PTGER3: variants seen among roughly 807,000 people sequenced by gnomAD.
PTGER3 encodes the protein prostaglandin E2 receptor EP3 subtype.
A neutral mutation model predicts 34.7 loss-of-function variants in PTGER3; 22 were observed. The ratio of observed to expected loss-of-function variants is 0.63; its 90% CI spans 0.45 to 0.91. The LOEUF (loss-of-function observed/expected upper bound fraction) is 0.91, where lower values mean the gene tolerates loss of function less well. Among genes scored for constraint, PTGER3 ranks in the 40% least tolerant of loss-of-function variants. The pLI, the probability that PTGER3 is intolerant of heterozygous loss-of-function variation, is 0.00. For missense variants in PTGER3, 468 were observed against 519.4 expected (o/e 0.90, Z 0.96); for synonymous variants, 241 against 230.1 (o/e 1.05, Z -0.43).
At chr1:70,961,021 G>T (rs1215599912) in intron 2 of PTGER3, among the ~76,000 whole-genome samples, 5 of 152,162 alleles carry the variant, frequency 3.3e-5, no homozygotes, top group Admixed American at 3.3e-4. Context: ...CTGGAGTGGG[G>T]TCCCAATAAC....
At chr1:70,988,131 T>C (rs976859584) in intron 2 of PTGER3, among the ~76,000 whole-genome samples, 3 of 152,202 alleles carry the variant, frequency 2.0e-5, no homozygotes, top group Non-Finnish European at 4.4e-5. Flanking sequence ...AAAACTCAGT[T>C]GTTTAATTTT....
chr1:71,006,678 C>A (rs78917778), intron 2 of PTGER3: 1 of 984,074 alleles, frequency 1.0e-6, no homozygotes, highest in Admixed American at 6.1e-5. Context: ...ATTTGTTATG[C>A]ACATGATTAT....
intron 2 of PTGER3, among the ~76,000 whole-genome samples, chr1:70,984,536 A>G (rs948340934): frequency 1.3e-5 from 2 of 152,128 alleles, no homozygotes; most frequent in Non-Finnish European, 2.9e-5. Context: ...GCAACACAGC[A>G]AGATCTGTCC....
At chr1:70,969,306 A>G (rs1438638392), downstream of PTGER3, among the ~76,000 whole-genome samples, 1 of 152,226 alleles carries the variant, frequency 6.6e-6, no homozygotes, top group Non-Finnish European at 1.5e-5. Flanking sequence ...AATGACAACA[A>G]CCACTAACAT....
chr1:70,856,696 T>C (rs1645814280), intron 4 of PTGER3, among the ~76,000 whole-genome samples: 1 of 152,232 alleles, frequency 6.6e-6, no homozygotes, highest in Non-Finnish European at 1.5e-5. Flanking sequence ...TTTTACTTTT[T>C]ATTTTGAAAT....
intron 4 of PTGER3, among the ~76,000 whole-genome samples, chr1:70,940,283 G>C (rs889281231): frequency 6.6e-6 from 1 of 152,052 alleles, no homozygotes; most frequent in African/African-American, 2.4e-5. Flanking sequence ...TCAGCATTTG[G>C]GGCAAAGCCA....
chr1:71,033,947 A>G (rs1039661023), intron 1 of PTGER3, among the ~76,000 whole-genome samples: 2 of 152,172 alleles, frequency 1.3e-5, no homozygotes, highest in Admixed American at 6.5e-5. Context: ...ATGCTGCATT[A>G]GTAATACTAC....
rs1393398606 is a variant in PTGER3, at chr1:70,981,328, TTTCTTTC to T, written c.1078-6947_1078-6941del. 5.8e-5 allele frequency among the ~76,000 whole-genome samples: 3 copies of T among 51,462 alleles called. No homozygotes were observed. In the East Asian group the frequency reaches 2.0e-3, roughly 35 times the overall value. 33.8% of individuals were successfully genotyped at this position (51,462 alleles called of 152,430 possible). A position where few individuals can be genotyped will look rare whatever the true frequency, so the allele number is the denominator to read the frequency against. On this transcript the variant is annotated intron_variant, in intron 2 of 3. Transcript: ENST00000306666. ...CCTTCCTTCCTTCCTTTCTTCTTTC[TTTCTTTC>T]TTTCTTTCTTTCTTTCTTTCTTTCT...
chr1:70,855,717 T>C (rs1391690705), intron 4 of PTGER3, among the ~76,000 whole-genome samples: 4 of 152,160 alleles, frequency 2.6e-5, no homozygotes, highest in Non-Finnish European at 2.9e-5. Flanking sequence ...TTCTGTGTGT[T>C]TGGAATATCT....
Position 71,046,916 on chromosome 1 carries a change from G to A in PTGER3, c.662C>T (p.Ser221Phe), listed in dbSNP as rs1188935823. 1 of 1,610,616 alleles carries A rather than the reference G, an allele frequency of 6.2e-7. No individual in the cohort carries two copies. The highest frequency in any genetic ancestry group is 8.5e-7 in the Non-Finnish European group (1 of 1,178,362). ...STGRGGNGTSSSHNWGNLFFA... is the reference protein window; with the variant it reads ...STGRGGNGTSFSHNWGNLFFA... ...GAAAAGGTTGCCCCAGTTATGCGAA[G>A]AGCTAGTCCCGTTGCCCCCTCGCCC... The change falls in exon 1 of 4, where the codon TCT becomes TTT. Residue 221 changes from serine (S) to phenylalanine (F), a missense_variant. This residue lies in a region of PTGER3 where 204 missense variants were observed against 230.8 expected (regional missense o/e 0.88). Transcript: ENST00000306666.
chr1:70,882,058 C>T (rs755681539), intron 4 of PTGER3, among the ~76,000 whole-genome samples: 7 of 152,184 alleles, frequency 4.6e-5, no homozygotes, highest in Non-Finnish European at 1.0e-4. Context: ...GCAAGCATTA[C>T]CCACTTGGCT....
chr1:70,974,206 G>A, intron 3 of PTGER3, 91 bp downstream of exon 3: 1 of 1,511,072 alleles, frequency 6.6e-7, no homozygotes, highest in Non-Finnish European at 8.9e-7. Context: ...TTAATTCTCA[G>A]AGATGGTCTG....
At chr1:71,010,783 A>T (rs1657369591) in intron 2 of PTGER3, 12 of 985,144 alleles carry the variant, frequency 1.2e-5, no homozygotes, top group African/African-American at 1.7e-5. Context: ...CTCCAAATTC[A>T]ATTTGACATG....
At chr1:70,912,426 A>G (rs1391732013) in intron 4 of PTGER3, among the ~76,000 whole-genome samples, 1 of 152,112 alleles carries the variant, frequency 6.6e-6, no homozygotes, top group East Asian at 1.9e-4. Context: ...TGGGATGATA[A>G]CAGAAGTGAT....
chr1:71,037,518 G>A (rs2817865), intron 1 of PTGER3, among the ~76,000 whole-genome samples: 80,013 of 152,034 alleles, frequency 0.53, 22,156 homozygotes, highest in African/African-American at 0.69. Context: ...TTATAGAATC[G>A]CTGGATAAAA....
intron 1 of PTGER3, among the ~76,000 whole-genome samples, chr1:71,015,555 T>G (rs918092811): frequency 1.3e-5 from 2 of 152,172 alleles, no homozygotes; most frequent in Admixed American, 1.3e-4. Context: ...TAAGTAAATA[T>G]TTGATTCTTT....
chr1:71,020,477 GT>G (rs1056269576), intron 1 of PTGER3, among the ~76,000 whole-genome samples: 1 of 151,926 alleles, frequency 6.6e-6, no homozygotes. Flanking sequence ...CACCTCTACA[GT>G]TTTTTTTTGA....
chr1:70,944,357 G>C (rs1650029187), intron 4 of PTGER3, among the ~76,000 whole-genome samples: 2 of 152,052 alleles, frequency 1.3e-5, no homozygotes, highest in South Asian at 4.1e-4. Flanking sequence ...AAATAGTAAA[G>C]ACAACAGCTT....
intron 2 of PTGER3, among the ~76,000 whole-genome samples, chr1:70,955,924 G>T (rs909867477): frequency 1.3e-5 from 2 of 152,098 alleles, no homozygotes; most frequent in Non-Finnish European, 2.9e-5. Context: ...AAGACCTAAA[G>T]AAATTTTTCA....
Sources: allele counts gnomAD v4.1 joint callset (sites outside exome capture counted in the v4.1 genomes callset), GRCh38; gene constraint gnomAD v4.1.1; regional missense constraint gnomAD v4.1.1; transcripts MANE v1.5; gene names NCBI Gene and HGNC (gene_info 2026-07-23, HGNC 2026-07-21).